The following ZCWPW2 variants were observed in gnomAD, a reference collection of about 807,000 sequenced individuals.
ZCWPW2 encodes the protein zinc finger CW-type PWWP domain protein 2.
A neutral mutation model predicts 46.6 loss-of-function variants in ZCWPW2; 45 were observed. That is an observed-to-expected ratio of 0.96 (90% CI 0.76 to 1.24). The LOEUF is 1.24. Ranked by LOEUF, ZCWPW2 falls within the 50% of genes most tolerant of loss-of-function variation. ZCWPW2 has a pLI of 0.00. For missense variants in ZCWPW2, 429 were observed against 403.9 expected (o/e 1.06, Z -0.53); for synonymous variants, 152 against 137.1 (o/e 1.11, Z -0.76).
chr3:28,473,031 AT>A (rs1699096417), intron 4 of ZCWPW2, among the ~76,000 whole-genome samples: 1 of 152,208 alleles, frequency 6.6e-6, no homozygotes, highest in Non-Finnish European at 1.5e-5. Context: ...ACAATGAGAT[AT>A]TATTTTACCC....
chr3:28,375,650 A>T (rs1705477850), intron 1 of ZCWPW2, among the ~76,000 whole-genome samples: 1 of 152,002 alleles, frequency 6.6e-6, no homozygotes, highest in Non-Finnish European at 1.5e-5. Flanking sequence ...ATACAATTAC[A>T]TTCTTTATTT....
intron 4 of ZCWPW2, among the ~76,000 whole-genome samples, chr3:28,458,108 G>A (rs1358909283): frequency 1.3e-5 from 2 of 152,066 alleles, no homozygotes; most frequent in Non-Finnish European, 2.9e-5. Context: ...TTAGGCATTA[G>A]AATTACCTTG....
chr3:28,500,588 A>C (rs1575213752), intron 6 of ZCWPW2, among the ~76,000 whole-genome samples: 2 of 152,146 alleles, frequency 1.3e-5, no homozygotes, highest in African/African-American at 2.4e-5. Context: ...TTCAGCTATT[A>C]TGTTTTCTGA....
At chr3:28,397,647 G>A (rs1350590347) in intron 2 of ZCWPW2, among the ~76,000 whole-genome samples, 1 of 152,144 alleles carries the variant, frequency 6.6e-6, no homozygotes, top group African/African-American at 2.4e-5. Flanking sequence ...TCCAGCCTGG[G>A]TGACAGAATG....
chr3:28,365,686 A>T (rs1705098688), intron 1 of ZCWPW2, among the ~76,000 whole-genome samples: 2 of 141,268 alleles, frequency 1.4e-5, no homozygotes, highest in Admixed American at 1.5e-4. Context: ...CTGTGAAGAA[A>T]GTCATTGGTA....
chr3:28,516,255 CAATAAATAAATAAATA>C (rs56931163), intron 8 of ZCWPW2, among the ~76,000 whole-genome samples: 228 of 140,188 alleles, frequency 1.6e-3, no homozygotes, highest in African/African-American at 4.5e-3. Flanking sequence ...GATTCCCTCT[CAATAAATAAATAAATA>C]AATAAATAAA....
At chr3:28,355,153 A>C (rs1704684036) in intron 1 of ZCWPW2, among the ~76,000 whole-genome samples, 1 of 152,256 alleles carries the variant, frequency 6.6e-6, no homozygotes, top group Admixed American at 6.5e-5. Context: ...ACTTCAGCAA[A>C]GTCTCAGGAC....
intron 1 of ZCWPW2, among the ~76,000 whole-genome samples, chr3:28,376,345 C>G (rs879615937): frequency 2.1e-4 from 32 of 152,134 alleles, no homozygotes; most frequent in Admixed American, 2.0e-3. Flanking sequence ...CCATTCCTCT[C>G]ACATTTTGAC....
intron 4 of ZCWPW2, among the ~76,000 whole-genome samples, chr3:28,468,762 C>CCTTTTTGTTTCTCAG (rs1433761246): frequency 6.6e-6 from 1 of 152,044 alleles, no homozygotes; most frequent in Non-Finnish European, 1.5e-5. Context: ...TTTTCCCAGA[C>CCTTTTTGTTTCTCAG]AAACAAAAGC....
intron 4 of ZCWPW2, among the ~76,000 whole-genome samples, chr3:28,459,806 T>C (rs1698559284): frequency 6.6e-6 from 1 of 152,186 alleles, no homozygotes; most frequent in Non-Finnish European, 1.5e-5. Context: ...TCACTCCAGA[T>C]AGTGGACAAA....
intron 4 of ZCWPW2, among the ~76,000 whole-genome samples, chr3:28,475,833 A>G (rs918337264): frequency 2.6e-5 from 4 of 152,092 alleles, no homozygotes; most frequent in East Asian, 3.8e-4. Flanking sequence ...TTGACCACTC[A>G]TTACCCACCC....
At chr3:28,379,632 A>G (rs1428339497) in intron 1 of ZCWPW2, among the ~76,000 whole-genome samples, 1 of 152,152 alleles carries the variant, frequency 6.6e-6, no homozygotes, top group East Asian at 1.9e-4. Flanking sequence ...TTTACACTGG[A>G]TGTATTAACA....
intron 4 of ZCWPW2, among the ~76,000 whole-genome samples, chr3:28,444,261 C>T (rs1486493768): frequency 6.6e-6 from 1 of 152,184 alleles, no homozygotes; most frequent in African/African-American, 2.4e-5. Context: ...CTCTCAACCT[C>T]ACCTCTAGGG....
chr3:28,498,174 T>C (rs1462208065), intron 6 of ZCWPW2, among the ~76,000 whole-genome samples: 2 of 151,886 alleles, frequency 1.3e-5, no homozygotes, highest in African/African-American at 2.4e-5. Context: ...TTACCTGTAA[T>C]AGATTTTGAA....
At chr3:28,468,134 G>T (rs955108948) in intron 4 of ZCWPW2, among the ~76,000 whole-genome samples, 80 of 152,080 alleles carry the variant, frequency 5.3e-4, no homozygotes, top group African/African-American at 1.9e-3. Context: ...TAATTGAAAA[G>T]AATTAAGCAG....
intron 1 of ZCWPW2, among the ~76,000 whole-genome samples, chr3:28,373,514 C>A (rs1705408146): frequency 6.6e-6 from 1 of 151,876 alleles, no homozygotes; most frequent in Non-Finnish European, 1.5e-5. Context: ...GTTGCCCAGG[C>A]TGAAGGGCAG....
intron 6 of ZCWPW2, among the ~76,000 whole-genome samples, chr3:28,493,148 ATG>A (rs1491577626): frequency 1.3e-4 from 4 of 30,426 alleles, no homozygotes; most frequent in Admixed American, 3.7e-4. Context: ...ATTTTTTTTA[ATG>A]TTTTTTTTTT....
At chr3:28,377,297 T>C (rs1269289486) in intron 1 of ZCWPW2, among the ~76,000 whole-genome samples, 1 of 152,086 alleles carries the variant, frequency 6.6e-6, no homozygotes, top group Non-Finnish European at 1.5e-5. Context: ...GTCCTTTTCT[T>C]AATATTTGTG....
At chr3:28,393,159 A>G (rs982976575) in intron 2 of ZCWPW2, among the ~76,000 whole-genome samples, 7 of 152,138 alleles carry the variant, frequency 4.6e-5, no homozygotes, top group Non-Finnish European at 8.8e-5. Context: ...ATAAGAAACT[A>G]CTATGAACAA....
Sources: gnomAD v4.1 joint callset for allele counts (sites outside exome capture counted in the v4.1 genomes callset) on GRCh38, gnomAD v4.1.1 for gene constraint, MANE v1.5 for transcripts, NCBI Gene and HGNC (gene_info 2026-07-23, HGNC 2026-07-21) for gene names.